Variants in MEIS2 observed in about 807,000 individuals in gnomAD.
MEIS2 encodes Meis homeobox 2.
A neutral mutation model predicts 58.6 loss-of-function variants in MEIS2; 9 were observed. The ratio of observed to expected loss-of-function variants is 0.15; its 90% CI spans 0.09 to 0.27. The LOEUF (loss-of-function observed/expected upper bound fraction) is 0.27. Ranked by LOEUF, MEIS2 falls within the 10% of genes least tolerant of loss-of-function variation. The probability of loss-of-function intolerance (pLI) is 1.00; values close to 1 mark genes in which losing one functional copy is unlikely to be tolerated. For missense variants in MEIS2, 427 were observed against 635.0 expected (o/e 0.67, Z 3.52); for synonymous variants, 221 against 228.4 (o/e 0.97, Z 0.29).
At chr15:37,057,701 G>A (rs1251692330) in intron 7 of MEIS2, among the ~76,000 whole-genome samples, 1 of 152,056 alleles carries the variant, frequency 6.6e-6, no homozygotes, top group Non-Finnish European at 1.5e-5. Context: ...GGCTTTACTA[G>A]GCTTTTTTGT....
chr15:37,075,837 T>C (rs1237002485), intron 7 of MEIS2, among the ~76,000 whole-genome samples: 1 of 151,894 alleles, frequency 6.6e-6, no homozygotes, highest in Non-Finnish European at 1.5e-5. Context: ...AGGATTTTCA[T>C]CTGTACGAAT....
intron 6 of MEIS2, among the ~76,000 whole-genome samples, chr15:37,092,974 T>C (rs1184800378): frequency 1.3e-5 from 2 of 152,144 alleles, no homozygotes; most frequent in African/African-American, 2.4e-5. Flanking sequence ...TCAAGGTTAC[T>C]GTCTTTTATT....
intron 6 of MEIS2, among the ~76,000 whole-genome samples, chr15:37,093,340 A>G (rs1893785414): frequency 6.6e-6 from 1 of 152,212 alleles, no homozygotes; most frequent in South Asian, 2.1e-4. Flanking sequence ...ACACATTAAG[A>G]GCACAAATCA....
chr15:36,941,735 T>C (rs2058382990), intron 9 of MEIS2, among the ~76,000 whole-genome samples: 1 of 152,128 alleles, frequency 6.6e-6, no homozygotes. Context: ...GGAAAAAGGA[T>C]TTCTCTAGCA....
chr15:36,976,239 C>T (rs887451784), intron 8 of MEIS2, among the ~76,000 whole-genome samples: 2 of 151,980 alleles, frequency 1.3e-5, no homozygotes, highest in Non-Finnish European at 2.9e-5. Context: ...CGGCCACCAC[C>T]ATGCCCAGCT....
intron 7 of MEIS2, among the ~76,000 whole-genome samples, chr15:37,060,914 G>T (rs1280976835): frequency 1.3e-5 from 2 of 152,196 alleles, no homozygotes; most frequent in Non-Finnish European, 2.9e-5. Context: ...GAAGTGGTAT[G>T]AATTTAATTA....
chr15:37,080,402 C>A (rs2141904341), intron 7 of MEIS2, among the ~76,000 whole-genome samples: 1 of 152,206 alleles, frequency 6.6e-6, no homozygotes, highest in South Asian at 2.1e-4. Flanking sequence ...ATGCGTAACT[C>A]CCATCAGCGT....
At chr15:37,099,182 C>T in intron 1 of MEIS2, 1 of 1,396,752 alleles carries the variant, frequency 7.2e-7, no homozygotes, top group South Asian at 1.6e-5. Flanking sequence ...CGCACACACA[C>T]ACACCACTCA....
chr15:37,040,534 T>C (rs1377769995), intron 7 of MEIS2, among the ~76,000 whole-genome samples: 1 of 152,142 alleles, frequency 6.6e-6, no homozygotes, highest in East Asian at 1.9e-4. Flanking sequence ...TTTGAAGAGC[T>C]GAGTACCCAC....
intron 8 of MEIS2, among the ~76,000 whole-genome samples, chr15:36,969,468 C>T (rs1403740373): frequency 6.6e-6 from 1 of 152,198 alleles, no homozygotes; most frequent in African/African-American, 2.4e-5. Flanking sequence ...TTATTTGGCT[C>T]ACTCTTCCTA....
chr15:37,014,257 C>T (rs1417288415), intron 8 of MEIS2, among the ~76,000 whole-genome samples: 1 of 152,172 alleles, frequency 6.6e-6, no homozygotes, highest in Non-Finnish European at 1.5e-5. Context: ...AAAGTCAGCA[C>T]AAAAACAAGG....
chr15:36,944,296 C>T (rs1326498660), intron 9 of MEIS2, among the ~76,000 whole-genome samples: 1 of 152,014 alleles, frequency 6.6e-6, no homozygotes, highest in Non-Finnish European at 1.5e-5. Context: ...TCTTTCCCCG[C>T]CTTCTTTTGG....
At position 37,093,596 on chromosome 15, in the gene MEIS2, T is replaced by C; in HGVS notation, c.624A>G (p.Thr208=). 1 of 1,614,156 alleles carries C rather than the reference T, an allele frequency of 6.2e-7. No individual in the cohort carries two copies. Among genetic ancestry groups the C allele is most frequent in the Non-Finnish European group, 8.5e-7 (1 of 1,180,010 alleles). Residue 208 remains threonine, a synonymous_variant, in exon 6 of 12, where the codon ACA becomes ACG. Transcript: ENST00000561208. ...GCAGACTTACATGGTCAGCGAGATT[T>C]GTGGAGGAGCCTGAAAGTTCTTCAT... ...SDHEELSGSS[T]NLADHNPSSW... is the part of the protein sequence containing the mutation.
intron 8 of MEIS2, among the ~76,000 whole-genome samples, chr15:36,952,646 T>TGTGTGTGC (rs1356856777): frequency 2.9e-4 from 43 of 150,202 alleles, no homozygotes; most frequent in African/African-American, 9.3e-4. Context: ...TGTGTGTGTG[T>TGTGTGTGC]GTGCATGTGT....
At chr15:37,075,157 T>A (rs543156938) in intron 7 of MEIS2, among the ~76,000 whole-genome samples, 3 of 152,074 alleles carry the variant, frequency 2.0e-5, no homozygotes, top group Admixed American at 2.0e-4. Flanking sequence ...CACCAAGCAA[T>A]TTTCCACTAT....
chr15:36,892,981 C>G (rs900073522), intron 11 of MEIS2, among the ~76,000 whole-genome samples: 2 of 152,098 alleles, frequency 1.3e-5, no homozygotes, highest in Non-Finnish European at 2.9e-5. Context: ...ATGAAGCCCC[C>G]TTTTTGAATT....
At chr15:36,973,660 G>A (rs1234799431) in intron 8 of MEIS2, among the ~76,000 whole-genome samples, 3 of 152,048 alleles carry the variant, frequency 2.0e-5, no homozygotes, top group Non-Finnish European at 2.9e-5. Flanking sequence ...TTGGTGCTTT[G>A]CACATAATAA....
At chr15:36,909,265 T>C (rs1284247134) in intron 9 of MEIS2, among the ~76,000 whole-genome samples, 1 of 152,072 alleles carries the variant, frequency 6.6e-6, no homozygotes, top group Non-Finnish European at 1.5e-5. Context: ...ACAGTACTTA[T>C]TCACAATTGT....
chr15:37,038,644 CTT>C (rs1266300496), intron 7 of MEIS2, among the ~76,000 whole-genome samples: 1 of 152,196 alleles, frequency 6.6e-6, no homozygotes, highest in African/African-American at 2.4e-5. Context: ...TTGCTGTTCT[CTT>C]TTTCTTTGCC....
Sources: gnomAD v4.1 joint callset for allele counts (sites outside exome capture counted in the v4.1 genomes callset) on GRCh38, gnomAD v4.1.1 for gene constraint, MANE v1.5 for transcripts, NCBI Gene and HGNC (gene_info 2026-07-23, HGNC 2026-07-21) for gene names.